Variants in DLGAP2 observed in about 807,000 individuals in gnomAD.
DLGAP2 encodes disks large-associated protein 2.
A neutral mutation model predicts 100.3 loss-of-function variants in DLGAP2; 26 were observed. The ratio of observed to expected loss-of-function variants is 0.26; its 90% CI spans 0.19 to 0.36. DLGAP2 has a LOEUF of 0.36. DLGAP2 is among the 10% of genes least tolerant of loss of function. The pLI, the probability that DLGAP2 is intolerant of heterozygous loss-of-function variation, is 1.00. For synonymous variants in DLGAP2, 886 were observed against 630.1 expected, an observed-to-expected ratio of 1.41 and a Z score of -6.08; for missense variants, 1,858 against 1,453.2, an observed-to-expected ratio of 1.28 and a Z score of -4.53.
At chr8:837,192 C>T (rs898939151) in intron 1 of DLGAP2, among the ~76,000 whole-genome samples, 2 of 152,152 alleles carry the variant, frequency 1.3e-5, no homozygotes, top group Admixed American at 1.3e-4. Context: ...GCTCAGGCCT[C>T]GGGATCTCGC....
intron 8 of DLGAP2, among the ~76,000 whole-genome samples, chr8:1,637,073 C>T (rs1385861491): frequency 1.3e-5 from 2 of 152,202 alleles, no homozygotes; most frequent in Non-Finnish European, 2.9e-5. Flanking sequence ...GCTGGCTCCG[C>T]AGGCAGGATG....
chr8:1,356,575 C>T (rs967771259), intron 3 of DLGAP2, among the ~76,000 whole-genome samples: 1 of 152,068 alleles, frequency 6.6e-6, no homozygotes, highest in Non-Finnish European at 1.5e-5. Flanking sequence ...TACCCTGTGG[C>T]CCCCCAGGCA....
chr8:1,285,929 G>T (rs898230286), intron 3 of DLGAP2, among the ~76,000 whole-genome samples: 1 of 152,224 alleles, frequency 6.6e-6, no homozygotes, highest in Non-Finnish European at 1.5e-5. Context: ...CTGCCGTCTA[G>T]TCTGGGCAAC....
At chr8:1,695,691 G>C (rs1036791124) in intron 13 of DLGAP2, among the ~76,000 whole-genome samples, 3 of 152,230 alleles carry the variant, frequency 2.0e-5, no homozygotes, top group Non-Finnish European at 2.9e-5. Flanking sequence ...GATGTTCTTA[G>C]GTTGGCGAAG....
intron 4 of DLGAP2, among the ~76,000 whole-genome samples, chr8:1,544,959 T>C (rs1584910845): frequency 6.6e-6 from 1 of 152,250 alleles, no homozygotes; most frequent in East Asian, 1.9e-4. Context: ...TCTCGATCTC[T>C]TGACCTTGTG....
intron 2 of DLGAP2, among the ~76,000 whole-genome samples, chr8:1,205,757 A>G (rs959137026): frequency 3.9e-5 from 6 of 152,142 alleles, no homozygotes; most frequent in African/African-American, 1.4e-4. Context: ...TGGGGGCGGG[A>G]GACATGGCTG....
intron 2 of DLGAP2, among the ~76,000 whole-genome samples, chr8:964,871 G>C (rs1414919981): frequency 1.3e-5 from 2 of 152,154 alleles, no homozygotes; most frequent in Non-Finnish European, 2.9e-5. Context: ...CTCCGCCTGT[G>C]GCCATGCTCC....
intron 3 of DLGAP2, among the ~76,000 whole-genome samples, chr8:1,348,439 AT>A (rs1801620172): frequency 6.7e-6 from 1 of 149,560 alleles, no homozygotes; most frequent in Non-Finnish European, 1.5e-5. Context: ...CTGAGTTCCT[AT>A]ACAGAGTTAC....
chr8:1,051,870 C>G (rs528657057), intron 2 of DLGAP2, among the ~76,000 whole-genome samples: 2 of 152,078 alleles, frequency 1.3e-5, no homozygotes, highest in African/African-American at 4.8e-5. Flanking sequence ...GAGTCTGCTA[C>G]GGGTTTTTTC....
chr8:1,701,671 G>T lies in DLGAP2; in HGVS notation c.*265G>T, dbSNP rs548161620. The T allele has an allele frequency of 4.1e-4, 201 of 494,340 alleles. 8 individuals carry two copies. In the South Asian group the frequency reaches 6.9e-3, roughly 17 times the overall value. The allele number at this position is 494,340 out of a possible 1,614,324, so 30.6% of individuals were successfully genotyped here. On this transcript the variant is annotated 3_prime_UTR_variant, in exon 15 of 15. Transcript: ENST00000637795. Reference sequence around the variant, plus strand: ...TGGCTCTGAGGGACAGGTGTGGCGAGACCTGATTTCTCCTGCGTGTTCTCA... The same window carrying T: ...TGGCTCTGAGGGACAGGTGTGGCGATACCTGATTTCTCCTGCGTGTTCTCA...
chr8:965,563 A>G lies in DLGAP2; in HGVS notation c.73+57597A>G, dbSNP rs376297681. The stretch of plus-strand genomic sequence containing the variant: ...TTCACCACACAGGGCTCCTGAGCCC[A>G]ACCCCCGCGTGCACACGGCACTGTT... On this transcript the variant is annotated intron_variant, in intron 2 of 14. Transcript: ENST00000637795. 1.2e-3 allele frequency among the ~76,000 whole-genome samples: 151 copies of G among 122,860 alleles called. 1 individual carries two copies. The highest frequency in any genetic ancestry group is 5.0e-3 in the South Asian group (17 of 3,402). The allele number at this position is 122,860 out of a possible 152,430, so 80.6% of individuals were successfully genotyped here.
intron 3 of DLGAP2, among the ~76,000 whole-genome samples, chr8:1,422,173 T>C (rs1168216686): frequency 2.0e-5 from 3 of 152,166 alleles, no homozygotes; most frequent in Non-Finnish European, 4.4e-5. Flanking sequence ...CGAGGATGTT[T>C]CCTAATGTCT....
intron 8 of DLGAP2, among the ~76,000 whole-genome samples, chr8:1,649,740 A>G (rs949101673): frequency 6.6e-6 from 1 of 152,246 alleles, no homozygotes; most frequent in African/African-American, 2.4e-5. Flanking sequence ...TAACATAGGT[A>G]TTAAGATAGA....
Position 1,704,833 on chromosome 8 carries a change from C to A in DLGAP2, c.*3427C>A, listed in dbSNP as rs1799662730. On this transcript the variant is annotated 3_prime_UTR_variant, in exon 15 of 15. Coordinates refer to ENST00000637795, the MANE Select transcript of DLGAP2 (RefSeq NM_001346810.2). ...ACGCAGAGGGAATTTTTCCCTGCTG[C>A]TTCTTATGAAAGTGGCCAGGTTTAT... 1 of 151,994 alleles carries A rather than the reference C, an allele frequency of 6.6e-6. No homozygotes were observed. Among genetic ancestry groups the A allele is most frequent in the African/African-American group, 2.4e-5 (1 of 41,398 alleles). The allele number at this position is 151,994 out of a possible 1,614,324, so 9.4% of individuals were successfully genotyped here.
chr8:1,010,459 T>C (rs1373510636), intron 2 of DLGAP2, among the ~76,000 whole-genome samples: 3 of 152,234 alleles, frequency 2.0e-5, no homozygotes, highest in Admixed American at 1.3e-4. Flanking sequence ...TTCTCACATA[T>C]GTGTGCACAC....
chr8:956,879 A>G (rs1021263323), intron 2 of DLGAP2, among the ~76,000 whole-genome samples: 2 of 152,190 alleles, frequency 1.3e-5, no homozygotes, highest in South Asian at 2.1e-4. Context: ...TGCTTCTGTC[A>G]TTTCTTATAC....
chr8:1,233,973 A>G (rs189912671), intron 2 of DLGAP2, among the ~76,000 whole-genome samples: 37 of 152,320 alleles, frequency 2.4e-4, no homozygotes, highest in South Asian at 2.3e-3. Flanking sequence ...CAGGTGGTCA[A>G]TAGGCCTGCA....
chr8:1,536,849 G>A (rs1801169172), intron 4 of DLGAP2, among the ~76,000 whole-genome samples: 1 of 152,084 alleles, frequency 6.6e-6, no homozygotes, highest in Admixed American at 6.5e-5. Flanking sequence ...CTCCCTGTAG[G>A]AGGCGCTGGC....
intron 3 of DLGAP2, among the ~76,000 whole-genome samples, chr8:1,298,686 C>G (rs1800253481): frequency 6.6e-6 from 1 of 152,098 alleles, no homozygotes; most frequent in African/African-American, 2.4e-5. Context: ...TGCCGAGGGC[C>G]CCAGGACAAG....
Sources: gnomAD v4.1 joint callset for allele counts (sites outside exome capture counted in the v4.1 genomes callset) on GRCh38, gnomAD v4.1.1 for gene constraint, MANE v1.5 for transcripts, NCBI Gene and HGNC (gene_info 2026-07-23, HGNC 2026-07-21) for gene names.